The following HS3ST4 variants were observed in gnomAD, a reference collection of about 807,000 sequenced individuals.
The protein encoded by HS3ST4 is heparan sulfate-glucosamine 3-sulfotransferase 4, also known as heparan sulfate glucosamine 3-O-sulfotransferase 4.
Under a neutral mutation model 29.2 loss-of-function variants are expected in HS3ST4, and 17 were observed. The ratio of observed to expected loss-of-function variants is 0.58; its 90% CI spans 0.40 to 0.87. The LOEUF (loss-of-function observed/expected upper bound fraction) is 0.87. HS3ST4 is among the 40% of genes least tolerant of loss of function. The probability of loss-of-function intolerance (pLI) is 0.00; values close to 1 mark genes in which losing one functional copy is unlikely to be tolerated. For missense variants in HS3ST4, 627 were observed against 634.5 expected, an observed-to-expected ratio of 0.99 and a Z score of 0.13; for synonymous variants, 314 against 285.7, an observed-to-expected ratio of 1.10 and a Z score of -1.00.
intron 1 of HS3ST4, among the ~76,000 whole-genome samples, chr16:25,834,161 A>T (rs952885762): frequency 6.6e-6 from 1 of 152,202 alleles, no homozygotes; most frequent in Non-Finnish European, 1.5e-5. Flanking sequence ...TTTATGACCT[A>T]CCACTTCTCT....
chr16:25,863,985 G>T (rs1967664466), intron 1 of HS3ST4, among the ~76,000 whole-genome samples: 1 of 152,050 alleles, frequency 6.6e-6, no homozygotes, highest in African/African-American at 2.4e-5. Context: ...TCTCCTTAAG[G>T]TGCAGAGAGC....
chr16:25,692,408 G>A lies in HS3ST4; in HGVS notation c.-10G>A, dbSNP rs1024371861. ...GCCGCCGCCGCCGCCGCCGCGAGCC[G>A]GGAGCCGCGATGGCCCGGTGGCCCG... On this transcript the variant is annotated 5_prime_UTR_variant, in exon 1 of 2. Coordinates refer to ENST00000331351, the MANE Select transcript of HS3ST4 (RefSeq NM_006040.3). The A allele has an allele frequency of 3.8e-5, 34 of 898,986 alleles. No individual in the cohort carries two copies. Among genetic ancestry groups the A allele is most frequent in the Middle Eastern group, 8.6e-4 (2 of 2,324 alleles). The allele number at this position is 898,986 out of a possible 1,614,324, so 55.7% of individuals were successfully genotyped here. A position where few individuals can be genotyped will look rare whatever the true frequency, so the allele number is the denominator to read the frequency against.
chr16:25,902,392 A>G (rs992494566), intron 1 of HS3ST4, among the ~76,000 whole-genome samples: 5 of 152,062 alleles, frequency 3.3e-5, no homozygotes, highest in African/African-American at 1.2e-4. Context: ...GCTACTCTGG[A>G]GGCTGAGGTG....
intron 1 of HS3ST4, among the ~76,000 whole-genome samples, chr16:25,901,330 C>T (rs200449608): frequency 1.1e-4 from 17 of 152,214 alleles, no homozygotes; most frequent in East Asian, 5.8e-4. Context: ...CAATATCCCA[C>T]GTCCAGCTCC....
At chr16:26,132,627 C>G (rs556599049) in intron 1 of HS3ST4, among the ~76,000 whole-genome samples, 1 of 152,088 alleles carries the variant, frequency 6.6e-6, no homozygotes, top group African/African-American at 2.4e-5. Flanking sequence ...CTTGACAGAT[C>G]GTCAATCAGC....
At chr16:25,867,818 G>A (rs1967711658) in intron 1 of HS3ST4, among the ~76,000 whole-genome samples, 1 of 152,162 alleles carries the variant, frequency 6.6e-6, no homozygotes, top group Admixed American at 6.5e-5. Context: ...GAAGCTGAAA[G>A]CACTGAGTGG....
At chr16:25,846,068 G>C (rs1374579011) in intron 1 of HS3ST4, among the ~76,000 whole-genome samples, 2 of 152,188 alleles carry the variant, frequency 1.3e-5, no homozygotes, top group Non-Finnish European at 2.9e-5. Context: ...AGAGGTAGGA[G>C]GCTGTTGGCA....
At chr16:26,037,501 G>A (rs1461556945) in intron 1 of HS3ST4, among the ~76,000 whole-genome samples, 1 of 152,218 alleles carries the variant, frequency 6.6e-6, no homozygotes, top group Non-Finnish European at 1.5e-5. Flanking sequence ...GAAGAGAAGT[G>A]GAGGGCAGAC....
rs181840482 is a variant in HS3ST4, at chr16:25,940,075, G to A, written c.735-195537G>A. Among the ~76,000 whole-genome samples the A allele has an allele frequency of 3.3e-3, 498 of 152,240 alleles. 1 individual carries two copies. The highest frequency in any genetic ancestry group is 0.012 in the African/African-American group (487 of 41,544). On this transcript the variant is annotated intron_variant, in intron 1 of 1. Coordinates refer to ENST00000331351, the MANE Select transcript of HS3ST4 (RefSeq NM_006040.3). ...CCTCTCCCAAGCAGACCTCGGAGGA[G>A]GTCAGAGCTTTATTCCGATTACATG... is the stretch of plus-strand genomic sequence containing the variant.
intron 1 of HS3ST4, among the ~76,000 whole-genome samples, chr16:25,918,987 A>G (rs923337642): frequency 5.3e-5 from 8 of 152,204 alleles, no homozygotes; most frequent in African/African-American, 1.9e-4. Flanking sequence ...CATGTTTTCC[A>G]GGAATTTTCT....
intron 1 of HS3ST4, among the ~76,000 whole-genome samples, chr16:26,056,744 A>G (rs1033605620): frequency 1.3e-5 from 2 of 152,228 alleles, no homozygotes; most frequent in Middle Eastern, 3.2e-3. Flanking sequence ...ACCATGACAC[A>G]TAGACATTTA....
At chr16:26,053,543 T>C (rs918472328) in intron 1 of HS3ST4, among the ~76,000 whole-genome samples, 1 of 152,236 alleles carries the variant, frequency 6.6e-6, no homozygotes, top group South Asian at 2.1e-4. Context: ...GAAGACCAAA[T>C]TTAAGACTTC....
chr16:25,862,966 A>G (rs1002645489), intron 1 of HS3ST4, among the ~76,000 whole-genome samples: 4 of 152,130 alleles, frequency 2.6e-5, no homozygotes, highest in African/African-American at 9.7e-5. Flanking sequence ...ATCTTTGTCA[A>G]ATATGTGTAG....
chr16:25,693,108 C>T lies in HS3ST4; in HGVS notation c.691C>T (p.His231Tyr). 1 of 1,609,126 alleles carries T rather than the reference C, an allele frequency of 6.2e-7. No individual in the cohort carries two copies. The highest frequency in any genetic ancestry group is 8.5e-7 in the Non-Finnish European group (1 of 1,178,040). ...PDVRAVGVEP[H>Y]FFDRNYEKGL... ...CGTGCGGGCGGTGGGCGTAGAGCCG[C>T]ACTTCTTCGACAGGAACTACGAAAA... Residue 231 changes from histidine (H) to tyrosine (Y), a missense_variant, in exon 1 of 2, where the codon CAC becomes TAC. By Grantham distance (83) the His-to-Tyr change is moderately conservative (BLOSUM62 2). Transcript: ENST00000331351.
At chr16:26,108,834 G>A (rs1321876267) in intron 1 of HS3ST4, among the ~76,000 whole-genome samples, 3 of 152,176 alleles carry the variant, frequency 2.0e-5, no homozygotes, top group African/African-American at 7.2e-5. Context: ...ACTTAGCAGA[G>A]TGGCTGGCAT....
At chr16:26,103,844 C>T (rs1004766363) in intron 1 of HS3ST4, among the ~76,000 whole-genome samples, 1 of 152,066 alleles carries the variant, frequency 6.6e-6, no homozygotes, top group Non-Finnish European at 1.5e-5. Context: ...CACTAAAAAC[C>T]ACTCAGAATC....
intron 1 of HS3ST4, among the ~76,000 whole-genome samples, chr16:25,745,131 G>T (rs1460711922): frequency 1.3e-5 from 2 of 152,110 alleles, no homozygotes; most frequent in Non-Finnish European, 2.9e-5. Context: ...ACGCTTAGTT[G>T]CAAGAGGGCC....
intron 1 of HS3ST4, among the ~76,000 whole-genome samples, chr16:25,852,163 G>A (rs938913994): frequency 2.6e-5 from 4 of 152,174 alleles, no homozygotes; most frequent in Admixed American, 1.3e-4. Context: ...GGTCTCTCAT[G>A]ACAAATAGAG....
intron 1 of HS3ST4, among the ~76,000 whole-genome samples, chr16:25,830,805 A>C (rs1461905908): frequency 2.0e-5 from 3 of 150,950 alleles, no homozygotes; most frequent in Admixed American, 2.0e-4. Context: ...ACCCACCTCT[A>C]TCTCTTATCC....
Sources: gnomAD v4.1 joint callset for allele counts (sites outside exome capture counted in the v4.1 genomes callset) on GRCh38, gnomAD v4.1.1 for gene constraint, MANE v1.5 for transcripts, NCBI Gene and HGNC (gene_info 2026-07-23, HGNC 2026-07-21) for gene names.